Variants in PCDH15 observed in about 807,000 individuals in gnomAD.
The protein encoded by PCDH15 is protocadherin related 15.
In PCDH15, 129 loss-of-function variants were observed where a neutral mutation model predicts 178.5. The ratio of observed to expected loss-of-function variants is 0.72; its 90% confidence interval spans 0.63 to 0.84. The LOEUF (loss-of-function observed/expected upper bound fraction) is 0.84. Among genes scored for constraint, PCDH15 ranks in the 40% least tolerant of loss-of-function variants. The pLI, the probability that PCDH15 is intolerant of heterozygous loss-of-function variation, is 0.00. For missense variants in PCDH15, 2,230 were observed against 2,099.9 expected (o/e 1.06, Z -1.21); for synonymous variants, 800 against 732.0 (o/e 1.09, Z -1.50).
chr10:54,881,653 T>C (rs4935124), intron 3 of PCDH15, among the ~76,000 whole-genome samples: 113,273 of 151,844 alleles, frequency 0.75, 42,623 homozygotes, highest in East Asian at 0.89. Flanking sequence ...TAGTTATAGA[T>C]GATACTGTCT....
chr10:55,306,468 C>T (rs1038185078), intron 1 of PCDH15, among the ~76,000 whole-genome samples: 1 of 152,042 alleles, frequency 6.6e-6, no homozygotes, highest in Non-Finnish European at 1.5e-5. Flanking sequence ...CATAAATCTC[C>T]CTCTTGGAGA....
chr10:54,406,565 G>T (rs1480365581), intron 3 of PCDH15, among the ~76,000 whole-genome samples: 4 of 151,968 alleles, frequency 2.6e-5, no homozygotes, highest in Non-Finnish European at 4.4e-5. Context: ...CATAAAAACA[G>T]CCCAGGAGTC....
intron 26 of PCDH15, among the ~76,000 whole-genome samples, chr10:53,880,802 G>A (rs1564672283): frequency 6.6e-6 from 1 of 152,110 alleles, no homozygotes; most frequent in Non-Finnish European, 1.5e-5. Flanking sequence ...AAAGAAGACT[G>A]TATTTATGGA....
At chr10:53,818,679 TAG>T (rs375301204) in intron 33 of PCDH15, among the ~76,000 whole-genome samples, 1 of 152,094 alleles carries the variant, frequency 6.6e-6, no homozygotes, top group African/African-American at 2.4e-5. Context: ...GAAAAGAATA[TAG>T]AGTTTTCAAA....
At chr10:54,851,861 C>T (rs1296190477) in intron 3 of PCDH15, among the ~76,000 whole-genome samples, 9 of 152,008 alleles carry the variant, frequency 5.9e-5, no homozygotes, top group East Asian at 5.8e-4. Flanking sequence ...TGAGCCACCA[C>T]GACTGGCCTG....
upstream of PCDH15, among the ~76,000 whole-genome samples, chr10:55,322,268 T>A (rs867708918): frequency 2.6e-5 from 4 of 152,194 alleles, no homozygotes; most frequent in Non-Finnish European, 5.9e-5. Context: ...TTGTGAGGCC[T>A]CCCCAGCCAT....
intron 15 of PCDH15, among the ~76,000 whole-genome samples, chr10:54,126,422 C>T (rs1439842040): frequency 6.6e-6 from 1 of 152,130 alleles, no homozygotes; most frequent in Non-Finnish European, 1.5e-5. Context: ...CAACCTCCCT[C>T]CTATTAACCA....
intron 2 of PCDH15, among the ~76,000 whole-genome samples, chr10:55,129,319 T>G (rs1238892659): frequency 6.6e-6 from 1 of 152,082 alleles, no homozygotes; most frequent in Admixed American, 6.6e-5. Context: ...AGATTTAAAC[T>G]AAAATTAGGT....
At chr10:54,626,300 A>G (rs1023620734) in intron 2 of PCDH15, among the ~76,000 whole-genome samples, 2 of 152,112 alleles carry the variant, frequency 1.3e-5, no homozygotes, top group African/African-American at 4.8e-5. Context: ...CAAGGAACAC[A>G]ATAGGGGAAA....
intron 1 of PCDH15, among the ~76,000 whole-genome samples, chr10:55,205,591 ATTT>A (rs1228020065): frequency 6.6e-6 from 1 of 152,080 alleles, no homozygotes; most frequent in Non-Finnish European, 1.5e-5. Flanking sequence ...TTTTAAACAT[ATTT>A]TTGAGGACAT....
chr10:54,038,798 G>C (rs1348496116), intron 18 of PCDH15, among the ~76,000 whole-genome samples: 1 of 151,848 alleles, frequency 6.6e-6, no homozygotes, highest in African/African-American at 2.4e-5. Context: ...TTTTCTTAGA[G>C]TATAAAATCC....
intron 26 of PCDH15, among the ~76,000 whole-genome samples, chr10:53,892,031 T>TG (rs946431537): frequency 1.4e-5 from 2 of 146,582 alleles, no homozygotes; most frequent in Non-Finnish European, 3.0e-5. Context: ...TTTTTTTTTT[T>TG]TTTTTTTTTT....
At chr10:53,832,801 G>A (rs1434959763) in intron 29 of PCDH15, among the ~76,000 whole-genome samples, 2 of 151,928 alleles carry the variant, frequency 1.3e-5, no homozygotes, top group African/African-American at 4.8e-5. Flanking sequence ...GAGTGACCAT[G>A]CTGATTTTAA....
At chr10:55,255,127 A>G (rs1015669450) in intron 1 of PCDH15, among the ~76,000 whole-genome samples, 10 of 152,060 alleles carry the variant, frequency 6.6e-5, no homozygotes, top group African/African-American at 2.4e-4. Context: ...AACAGGCCCC[A>G]GTGGGTGATG....
At chr10:54,643,873 T>C (rs997253401) in intron 2 of PCDH15, among the ~76,000 whole-genome samples, 2 of 150,740 alleles carry the variant, frequency 1.3e-5, no homozygotes, top group Non-Finnish European at 3.0e-5. Context: ...AATGTGCAGG[T>C]TAGTTACATA....
intron 1 of PCDH15, among the ~76,000 whole-genome samples, chr10:54,761,921 A>G (rs1947928447): frequency 1.3e-5 from 2 of 152,152 alleles, no homozygotes; most frequent in Non-Finnish European, 2.9e-5. Flanking sequence ...TATTAGTAAA[A>G]GTTAAGGAAA....
chr10:55,604,733 C>T (rs369800870), intron 2 of PCDH15, among the ~76,000 whole-genome samples: 2,758 of 83,858 alleles, frequency 0.033, 3 homozygotes, highest in African/African-American at 0.048. Context: ...ATCTCTGGGA[C>T]GCATTCAAAG....
At chr10:54,024,901 A>G (rs1394863604) in intron 18 of PCDH15, among the ~76,000 whole-genome samples, 1 of 152,140 alleles carries the variant, frequency 6.6e-6, no homozygotes, top group African/African-American at 2.4e-5. Context: ...CATCAAGTAA[A>G]TAGATAAAAT....
intron 6 of PCDH15, among the ~76,000 whole-genome samples, chr10:54,338,950 G>T (rs1323400503): frequency 6.6e-6 from 1 of 152,102 alleles, no homozygotes; most frequent in African/African-American, 2.4e-5. Context: ...TAATATATCA[G>T]AATACCTATA....
Sources: allele counts gnomAD v4.1 joint callset (sites outside exome capture counted in the v4.1 genomes callset), GRCh38; gene constraint gnomAD v4.1.1; transcripts MANE v1.5; gene names NCBI Gene and HGNC (gene_info 2026-07-23, HGNC 2026-07-21).